FAM13C: variants seen among roughly 807,000 people sequenced by gnomAD.
FAM13C encodes the protein family with sequence similarity 13 member C.
In FAM13C, 37 loss-of-function variants were observed where a neutral mutation model predicts 73.2. That is an observed-to-expected ratio of 0.51 (90% confidence interval 0.39 to 0.67). The LOEUF is 0.67. Ranked by LOEUF, FAM13C falls within the 30% of genes least tolerant of loss-of-function variation. The probability of loss-of-function intolerance (pLI) is 0.00; values close to 1 mark genes in which losing one functional copy is unlikely to be tolerated. For synonymous variants in FAM13C, 246 were observed against 260.9 expected (o/e 0.94, Z 0.55); for missense variants, 589 against 715.6 (o/e 0.82, Z 2.02).
chr10:59,262,590 T>C lies in FAM13C; in HGVS notation c.1080A>G (p.Arg360=), dbSNP rs1842619846. The C allele has an allele frequency of 6.2e-7, 1 of 1,613,822 alleles. No homozygotes were observed. Among genetic ancestry groups the C allele is most frequent in the East Asian group, 2.2e-5 (1 of 44,880 alleles). The change falls in exon 10 of 14, where the codon AGA becomes AGG. Residue 360 remains arginine (R), a synonymous_variant. Coordinates refer to ENST00000618804, the MANE Select transcript of FAM13C (RefSeq NM_198215.4). ...EQGSAPKGPP[R]NLLCEQPTVP... is the part of the protein sequence containing the mutation. ...CTGTGGGTTGCTCACACAACAGGTT[T>C]CTAGGTGGACCTTTGGGAGCACTCC...
Position 59,362,480 on chromosome 10 carries a change from A to G in FAM13C, c.-20T>C, listed in dbSNP as rs1856533998. On this transcript the variant is annotated 5_prime_UTR_variant, in exon 1 of 14. Transcript: ENST00000618804. Reference sequence around the variant, plus strand: ...AAACATCAGCCAAGTCTGGCCGGGGAGCCGTCTCCCTGATTGCTCTCCGGG... The same window carrying G: ...AAACATCAGCCAAGTCTGGCCGGGGGGCCGTCTCCCTGATTGCTCTCCGGG... 2 of 1,611,382 alleles carry G rather than the reference A, an allele frequency of 1.2e-6. No homozygotes were observed. The highest frequency in any genetic ancestry group is 1.7e-6 in the Non-Finnish European group (2 of 1,178,716).
intron 10 of FAM13C, among the ~76,000 whole-genome samples, chr10:59,257,001 G>A (rs553957783): frequency 6.6e-6 from 1 of 152,160 alleles, no homozygotes; most frequent in South Asian, 2.1e-4. Flanking sequence ...AAGGAAACAA[G>A]GTTTCCTTTA....
chr10:59,311,867 T>G (rs1395447121), intron 4 of FAM13C, among the ~76,000 whole-genome samples: 1 of 152,118 alleles, frequency 6.6e-6, no homozygotes, highest in Non-Finnish European at 1.5e-5. Context: ...GTAACACACC[T>G]GTTGTGGGCT....
rs994032175 is a variant in FAM13C, at chr10:59,321,441, T to TTC, written c.443+2546_443+2547insGA. ...GGAGCCCTGCCAACACCTTTTTTTT[T>TTC]TTTTTTTTTTTTTTTTTTGGCCCAG... On this transcript the variant is annotated intron_variant, in intron 4 of 13. Transcript: ENST00000618804. Among the ~76,000 whole-genome samples, 37 of 145,876 alleles carry TTC rather than the reference T, an allele frequency of 2.5e-4. No homozygotes were observed. In the East Asian group the frequency reaches 5.8e-3, roughly 23 times the overall value.
chr10:59,323,000 C>G (rs1056080843), intron 4 of FAM13C, among the ~76,000 whole-genome samples: 1 of 152,212 alleles, frequency 6.6e-6, no homozygotes, highest in Admixed American at 6.5e-5. Context: ...TTGAGGTCCC[C>G]TCCAACCTTT....
chr10:59,262,427 G>A lies in FAM13C; in HGVS notation c.1236+7C>T, dbSNP rs1292435570. 1 of 1,612,652 alleles carries A rather than the reference G, an allele frequency of 6.2e-7. No homozygotes were observed. The highest frequency in any genetic ancestry group is 1.3e-5 in the African/African-American group (1 of 74,968). On this transcript the variant is annotated splice_region_variant and intron_variant, in intron 10 of 13. Coordinates refer to ENST00000618804, the MANE Select transcript of FAM13C (RefSeq NM_198215.4). ...GGCCCTCTATATAACAAGACATGGT[G>A]ATGTACCTTAGAATCCTCCTGGGGA...
At chr10:59,263,056 GA>G (rs1212103907) in intron 9 of FAM13C, among the ~76,000 whole-genome samples, 2 of 152,154 alleles carry the variant, frequency 1.3e-5, no homozygotes, top group African/African-American at 4.8e-5. Context: ...AATAATTCTG[GA>G]AGACATTATG....
At chr10:59,333,882 G>T (rs181010796) in intron 3 of FAM13C, among the ~76,000 whole-genome samples, 92 of 152,292 alleles carry the variant, frequency 6.0e-4, no homozygotes, top group Admixed American at 3.2e-3. Context: ...AACAAGGGAC[G>T]TCTCTGCCTT....
intron 3 of FAM13C, among the ~76,000 whole-genome samples, chr10:59,325,205 C>T (rs1224735023): frequency 2.6e-5 from 4 of 152,126 alleles, no homozygotes; most frequent in Admixed American, 1.3e-4. Flanking sequence ...AGAGACCCAG[C>T]TCCTCTATTA....
At chr10:59,308,372 C>T (rs111765538) in intron 4 of FAM13C, among the ~76,000 whole-genome samples, 2,647 of 152,040 alleles carry the variant, frequency 0.017, 69 homozygotes, top group African/African-American at 0.06. Context: ...ACCACTACCA[C>T]CACCACCATT....
intron 3 of FAM13C, 133 bp from the exon 4 acceptor site, chr10:59,324,239 G>A: frequency 3.0e-6 from 2 of 671,336 alleles, no homozygotes; most frequent in Non-Finnish European, 4.9e-6. Flanking sequence ...AGTGTGGGAA[G>A]GGAGCCAATT....
chr10:59,327,666 G>A (rs1266099045), intron 3 of FAM13C: 1 of 149,844 alleles, frequency 6.7e-6, no homozygotes, highest in Non-Finnish European at 1.5e-5. Context: ...AGAATCGGCT[G>A]TAACATTCGG....
chr10:59,352,114 A>G (rs1429895528), intron 3 of FAM13C, among the ~76,000 whole-genome samples, 156 bp downstream of exon 3: 3 of 152,212 alleles, frequency 2.0e-5, no homozygotes, highest in Non-Finnish European at 4.4e-5. Flanking sequence ...TTAACCTGCA[A>G]GAGCTTCCAC....
chr10:59,305,878 C>A (rs1361979066), intron 4 of FAM13C, among the ~76,000 whole-genome samples: 2 of 152,186 alleles, frequency 1.3e-5, no homozygotes, highest in African/African-American at 4.8e-5. Flanking sequence ...TCCATCAATC[C>A]CCTGAACCAC....
intron 6 of FAM13C, among the ~76,000 whole-genome samples, chr10:59,279,407 A>C (rs565384197): frequency 6.6e-6 from 1 of 152,336 alleles, no homozygotes; most frequent in African/African-American, 2.4e-5. Flanking sequence ...GTAGACTCTA[A>C]ATAGACATAC....
At chr10:59,254,146 T>C (rs1841696540) in intron 11 of FAM13C, 1 of 398,790 alleles carries the variant, frequency 2.5e-6, no homozygotes, top group African/African-American at 2.1e-5. Context: ...TGTTCCTATT[T>C]TACAATAGTT....
At chr10:59,362,811 C>T (rs990575714), upstream of FAM13C, 3 of 338,322 alleles carry the variant, frequency 8.9e-6, no homozygotes, top group Non-Finnish European at 1.6e-5. Context: ...CAGCCACCCC[C>T]CGAGGCTGGC....
rs771972721 is a variant in FAM13C at position 59,251,672 on chromosome 10, C to T, written c.1537G>A (p.Val513Ile). 1 of 1,609,272 alleles carries T rather than the reference C, an allele frequency of 6.2e-7. No homozygotes were observed. The highest frequency in any genetic ancestry group is 2.2e-5 in the East Asian group (1 of 44,816). ...GTTTCTCGGAGATGGTCAAGAAGTA[C>T]AGGCCTATATAAGGTAAAATACTTG... is the stretch of plus-strand genomic sequence containing the variant. ...MSNLHEATMP[V>I]LLDHLRETRA... is the part of the protein sequence containing the mutation. Residue 513 changes from valine (V) to isoleucine (I), a missense_variant, in exon 13 of 14, where the codon GTA becomes ATA. Transcript: ENST00000618804.
chr10:59,342,259 G>A (rs1161471245), intron 3 of FAM13C, among the ~76,000 whole-genome samples: 1 of 152,136 alleles, frequency 6.6e-6, no homozygotes, highest in African/African-American at 2.4e-5. Context: ...GATGTTTCAT[G>A]CTGTTTGAAC....
Sources: allele counts gnomAD v4.1 joint callset (sites outside exome capture counted in the v4.1 genomes callset), GRCh38; gene constraint gnomAD v4.1.1; transcripts MANE v1.5; gene names NCBI Gene and HGNC (gene_info 2026-07-23, HGNC 2026-07-21).